Variants in DGKB observed in about 807,000 individuals in gnomAD.
DGKB encodes diacylglycerol kinase beta.
In DGKB, 67 loss-of-function variants were observed where a neutral mutation model predicts 114.3. That is an observed-to-expected ratio of 0.59 (90% confidence interval 0.48 to 0.72). DGKB has a LOEUF of 0.72. Ranked by LOEUF, DGKB falls within the 30% of genes least tolerant of loss-of-function variation. The pLI, the probability that DGKB is intolerant of heterozygous loss-of-function variation, is 0.00. For missense variants in DGKB, 907 were observed against 975.2 expected (o/e 0.93, Z 0.93); for synonymous variants, 398 against 323.1 (o/e 1.23, Z -2.49).
At chr7:14,685,587 G>A (rs902673119) in intron 9 of DGKB, among the ~76,000 whole-genome samples, 9 of 152,194 alleles carry the variant, frequency 5.9e-5, no homozygotes, top group Admixed American at 4.6e-4. Context: ...ACAAATCCTT[G>A]TCTAATATTA....
chr7:14,153,732 A>G (rs183185735), intron 25 of DGKB, among the ~76,000 whole-genome samples: 1 of 152,234 alleles, frequency 6.6e-6, no homozygotes, highest in African/African-American at 2.4e-5. Flanking sequence ...GGATAAAAAG[A>G]AGATTCTAAA....
intron 23 of DGKB, among the ~76,000 whole-genome samples, chr7:14,185,299 T>C (rs1416782970): frequency 6.6e-6 from 1 of 151,916 alleles, no homozygotes; most frequent in Non-Finnish European, 1.5e-5. Flanking sequence ...CTTAGGAATA[T>C]ACCTAACCAA....
intron 21 of DGKB, among the ~76,000 whole-genome samples, chr7:14,408,565 C>G (rs566332009): frequency 6.6e-6 from 1 of 152,252 alleles, no homozygotes; most frequent in Non-Finnish European, 1.5e-5. Flanking sequence ...CATTTAACAA[C>G]CTTCCAAATA....
intron 6 of DGKB, among the ~76,000 whole-genome samples, chr7:14,714,769 A>C (rs1827926352): frequency 6.6e-6 from 1 of 152,194 alleles, no homozygotes; most frequent in African/African-American, 2.4e-5. Flanking sequence ...TCAGTATAGT[A>C]TAGGAGCAAA....
At chr7:14,261,085 T>A (rs1796705298) in intron 23 of DGKB, among the ~76,000 whole-genome samples, 1 of 152,026 alleles carries the variant, frequency 6.6e-6, no homozygotes, top group African/African-American at 2.4e-5. Context: ...TAAGAAAACA[T>A]AAAAAAATTA....
At chr7:14,500,895 T>C (rs1000717817) in intron 20 of DGKB, among the ~76,000 whole-genome samples, 1 of 151,898 alleles carries the variant, frequency 6.6e-6, no homozygotes, top group African/African-American at 2.4e-5. Context: ...TCTATAAATA[T>C]GACAACGGCT....
intron 2 of DGKB, among the ~76,000 whole-genome samples, chr7:14,810,233 C>A (rs1223423662): frequency 6.6e-6 from 1 of 152,156 alleles, no homozygotes; most frequent in African/African-American, 2.4e-5. Flanking sequence ...CAAGATGCTA[C>A]AATGATTTGG....
intron 23 of DGKB, among the ~76,000 whole-genome samples, chr7:14,265,640 C>A (rs1205328810): frequency 1.3e-5 from 2 of 152,026 alleles, no homozygotes; most frequent in Non-Finnish European, 2.9e-5. Flanking sequence ...TTTTTTTAAG[C>A]TATGGTATAA....
intron 23 of DGKB, among the ~76,000 whole-genome samples, chr7:14,247,536 C>T (rs540849827): frequency 6.6e-6 from 1 of 152,030 alleles, no homozygotes; most frequent in African/African-American, 2.4e-5. Context: ...TTGATCATAG[C>T]CATTCTAAAA....
chr7:14,379,254 A>G (rs986996575), intron 21 of DGKB, among the ~76,000 whole-genome samples: 1 of 152,190 alleles, frequency 6.6e-6, no homozygotes, highest in East Asian at 1.9e-4. Context: ...TCTTTAAATA[A>G]GAGCTCCCAT....
chr7:14,856,893 T>C (rs1445582760), intron 1 of DGKB, among the ~76,000 whole-genome samples: 1 of 152,136 alleles, frequency 6.6e-6, no homozygotes, highest in Non-Finnish European at 1.5e-5. Flanking sequence ...TGCCCATAAA[T>C]GAGTATGGGG....
chr7:14,880,125 A>G (rs1853991507), intron 1 of DGKB, among the ~76,000 whole-genome samples: 1 of 152,146 alleles, frequency 6.6e-6, no homozygotes, highest in Non-Finnish European at 1.5e-5. Flanking sequence ...GAAAAAGTGG[A>G]TCCAGCCAGA....
chr7:14,448,648 C>A (rs1311316418), intron 21 of DGKB, among the ~76,000 whole-genome samples: 1 of 152,016 alleles, frequency 6.6e-6, no homozygotes, highest in Non-Finnish European at 1.5e-5. Flanking sequence ...TTGCAAAAAA[C>A]AAGTAATTTA....
At chr7:14,749,997 A>T (rs559596602) in intron 4 of DGKB, 1 of 438,232 alleles carries the variant, frequency 2.3e-6, no homozygotes, top group South Asian at 1.6e-5. Flanking sequence ...CTTTTACCTT[A>T]CAGGTCCTCA....
At chr7:14,757,181 G>A (rs1365168469) in intron 3 of DGKB, among the ~76,000 whole-genome samples, 3 of 151,944 alleles carry the variant, frequency 2.0e-5, no homozygotes, top group African/African-American at 7.2e-5. Flanking sequence ...GGAAATAATT[G>A]CCTGAAAGGG....
chr7:14,289,853 G>A (rs1323039812), intron 23 of DGKB, among the ~76,000 whole-genome samples: 1 of 151,492 alleles, frequency 6.6e-6, no homozygotes, highest in African/African-American at 2.4e-5. Flanking sequence ...CCTTGGTAAA[G>A]GCAAACGGAA....
intron 5 of DGKB, among the ~76,000 whole-genome samples, chr7:14,727,403 G>T (rs1304254390): frequency 1.3e-5 from 2 of 152,078 alleles, no homozygotes; most frequent in East Asian, 3.9e-4. Flanking sequence ...AGGTTGGCAG[G>T]ATAAAATATT....
chr7:14,643,472 C>T (rs1051559311), intron 13 of DGKB, among the ~76,000 whole-genome samples: 9 of 152,178 alleles, frequency 5.9e-5, no homozygotes, highest in African/African-American at 1.4e-4. Flanking sequence ...GGCCAAATAG[C>T]CCCTGTATCT....
chr7:14,584,637 T>C (rs1020361687), intron 17 of DGKB, among the ~76,000 whole-genome samples: 1 of 152,028 alleles, frequency 6.6e-6, no homozygotes, highest in South Asian at 2.1e-4. Context: ...TTTCTTTCTA[T>C]TGAATTGCCT....
Sources: gnomAD v4.1 joint callset for allele counts (sites outside exome capture counted in the v4.1 genomes callset) on GRCh38, gnomAD v4.1.1 for gene constraint, MANE v1.5 for transcripts, NCBI Gene and HGNC (gene_info 2026-07-23, HGNC 2026-07-21) for gene names.